GRIA4: variants seen among roughly 807,000 people sequenced by gnomAD.
The protein encoded by GRIA4 is glutamate ionotropic receptor AMPA type subunit 4.
A neutral mutation model predicts 104.0 loss-of-function variants in GRIA4; 34 were observed. The ratio of observed to expected loss-of-function variants is 0.33; its 90% CI spans 0.25 to 0.44. The LOEUF is 0.44. GRIA4 is among the 20% of genes least tolerant of loss of function. The probability of loss-of-function intolerance (pLI) is 1.00; values close to 1 mark genes in which losing one functional copy is unlikely to be tolerated. For missense variants in GRIA4, 750 were observed against 1,096.5 expected (o/e 0.68, Z 4.46); for synonymous variants, 386 against 381.9 (o/e 1.01, Z -0.13).
At chr11:105,714,862 G>C (rs368423047) in intron 3 of GRIA4, among the ~76,000 whole-genome samples, 211 of 151,994 alleles carry the variant, frequency 1.4e-3, no homozygotes, top group African/African-American at 4.7e-3. Flanking sequence ...AGGTGTCTCT[G>C]AGAGACTTCG....
intron 3 of GRIA4, among the ~76,000 whole-genome samples, chr11:105,679,970 C>T (rs1952658260): frequency 6.6e-6 from 1 of 152,028 alleles, no homozygotes; most frequent in Non-Finnish European, 1.5e-5. Context: ...CTAAGAGATG[C>T]CCTAAGGGAG....
chr11:105,750,209 C>A (rs1052566817), intron 3 of GRIA4, among the ~76,000 whole-genome samples: 5 of 152,008 alleles, frequency 3.3e-5, no homozygotes, highest in Admixed American at 6.6e-5. Context: ...AATCACTGGA[C>A]CAAATAAAAT....
At chr11:105,915,257 T>C (rs1947366426) in intron 10 of GRIA4, among the ~76,000 whole-genome samples, 2 of 152,208 alleles carry the variant, frequency 1.3e-5, no homozygotes, top group Non-Finnish European at 2.9e-5. Flanking sequence ...TCAGTAATTG[T>C]TTATGCCCCT....
At chr11:105,665,121 A>G (rs1434741892) in intron 3 of GRIA4, among the ~76,000 whole-genome samples, 2 of 152,006 alleles carry the variant, frequency 1.3e-5, no homozygotes, top group African/African-American at 4.8e-5. Context: ...CTAAAAATGA[A>G]AATACACTCT....
At chr11:105,782,919 A>G (rs1198186257) in intron 4 of GRIA4, among the ~76,000 whole-genome samples, 2 of 152,190 alleles carry the variant, frequency 1.3e-5, no homozygotes, top group Non-Finnish European at 2.9e-5. Flanking sequence ...AGGTTGGAAG[A>G]TTGAGTGAAA....
rs1953837827 is a variant in GRIA4 at position 105,709,618 on chromosome 11, C to T, written c.248-43363C>T. On this transcript the variant is annotated intron_variant, in intron 3 of 16. Coordinates refer to ENST00000282499, the MANE Select transcript of GRIA4 (RefSeq NM_000829.4). Reference sequence around the variant, plus strand: ...TAATAAGACATACAGGCATGACATTCCTCCACACTGAGAAGGGTACAGCAT... The same window carrying T: ...TAATAAGACATACAGGCATGACATTTCTCCACACTGAGAAGGGTACAGCAT... 1.3e-5 allele frequency among the ~76,000 whole-genome samples: 2 copies of T among 152,074 alleles called. 1 individual carries two copies. The highest frequency in any genetic ancestry group is 4.1e-4 in the South Asian group (2 of 4,824).
At chr11:105,698,565 A>C (rs1352153908) in intron 3 of GRIA4, among the ~76,000 whole-genome samples, 2 of 152,186 alleles carry the variant, frequency 1.3e-5, no homozygotes, top group African/African-American at 4.8e-5. Context: ...AAAGGAATCA[A>C]ATCAACGTAG....
At chr11:105,844,181 G>C (rs1405960458) in intron 4 of GRIA4, among the ~76,000 whole-genome samples, 5 of 152,126 alleles carry the variant, frequency 3.3e-5, no homozygotes, top group Non-Finnish European at 7.3e-5. Context: ...ACATTGTTGA[G>C]CTAAAAATTT....
intron 3 of GRIA4, among the ~76,000 whole-genome samples, chr11:105,696,303 GC>G (rs1198265463): frequency 2.6e-5 from 4 of 152,128 alleles, no homozygotes; most frequent in Non-Finnish European, 5.9e-5. Context: ...TGTCATCATT[GC>G]CCATCTCTAC....
At chr11:105,806,847 CA>C (rs1373072639) in intron 4 of GRIA4, among the ~76,000 whole-genome samples, 5 of 149,534 alleles carry the variant, frequency 3.3e-5, no homozygotes, top group African/African-American at 1.2e-4. Flanking sequence ...CAAAAAACAA[CA>C]AAAAAGATAG....
At chr11:105,852,025 G>C (rs546048488) in intron 4 of GRIA4, among the ~76,000 whole-genome samples, 1 of 152,162 alleles carries the variant, frequency 6.6e-6, no homozygotes, top group East Asian at 1.9e-4. Flanking sequence ...AGTGAAAGAA[G>C]AAATAAATAG....
At chr11:105,700,550 C>A (rs1473805379) in intron 3 of GRIA4, among the ~76,000 whole-genome samples, 1 of 152,172 alleles carries the variant, frequency 6.6e-6, no homozygotes, top group East Asian at 1.9e-4. Context: ...TCTAATCCTG[C>A]ATTGCATCTT....
chr11:105,746,938 A>G (rs1344988751), intron 3 of GRIA4, among the ~76,000 whole-genome samples: 1 of 152,146 alleles, frequency 6.6e-6, no homozygotes. Flanking sequence ...AGGCTACAGC[A>G]TCAGTGAGAA....
chr11:105,960,596 C>T (rs1005246160), intron 14 of GRIA4, among the ~76,000 whole-genome samples: 2 of 152,172 alleles, frequency 1.3e-5, no homozygotes, highest in African/African-American at 4.8e-5. Context: ...TACTGGCTGC[C>T]GCCCCTCCCC....
At chr11:105,683,477 T>A (rs1485300883) in intron 3 of GRIA4, among the ~76,000 whole-genome samples, 1 of 152,062 alleles carries the variant, frequency 6.6e-6, no homozygotes, top group Non-Finnish European at 1.5e-5. Flanking sequence ...AGAGGAATGC[T>A]TTTTTCAGTG....
intron 3 of GRIA4, among the ~76,000 whole-genome samples, chr11:105,705,853 T>C (rs1304720134): frequency 6.6e-6 from 1 of 152,188 alleles, no homozygotes; most frequent in African/African-American, 2.4e-5. Flanking sequence ...CAATGTTTAA[T>C]AAAACTGCAT....
chr11:105,955,820 C>T (rs961686491), intron 14 of GRIA4, among the ~76,000 whole-genome samples: 7 of 152,102 alleles, frequency 4.6e-5, no homozygotes, highest in Non-Finnish European at 1.0e-4. Flanking sequence ...TTCTGACTGG[C>T]GTGAGATGGT....
At chr11:105,724,793 T>A (rs933071658) in intron 3 of GRIA4, among the ~76,000 whole-genome samples, 11 of 152,172 alleles carry the variant, frequency 7.2e-5, no homozygotes, top group Admixed American at 3.3e-4. Context: ...AAATTTTTTT[T>A]AAAAAGCTGA....
At chr11:105,619,487 C>T (rs1037454728) in intron 3 of GRIA4, among the ~76,000 whole-genome samples, 2 of 151,264 alleles carry the variant, frequency 1.3e-5, no homozygotes, top group South Asian at 2.1e-4. Flanking sequence ...TTTGATATTT[C>T]GTAGAAAATT....
Sources: gnomAD v4.1 joint callset for allele counts (sites outside exome capture counted in the v4.1 genomes callset) on GRCh38, gnomAD v4.1.1 for gene constraint, MANE v1.5 for transcripts, NCBI Gene and HGNC (gene_info 2026-07-23, HGNC 2026-07-21) for gene names.